Variants in FGF13 observed in about 807,000 individuals in gnomAD.
The protein encoded by FGF13 is fibroblast growth factor 13.
Under a neutral mutation model 19.5 loss-of-function variants are expected in FGF13, and 2 were observed. The ratio of observed to expected loss-of-function variants is 0.10; its 90% CI spans 0.04 to 0.32. FGF13 has a LOEUF of 0.32. Ranked by LOEUF, FGF13 falls within the 10% of genes least tolerant of loss-of-function variation. The pLI is 1.00. For synonymous variants in FGF13, 72 were observed against 76.9 expected, an observed-to-expected ratio of 0.94 and a Z score of 0.33; for missense variants, 113 against 192.7, an observed-to-expected ratio of 0.59 and a Z score of 2.45.
At chrX:139,190,243 T>C (rs1366007293) in intron 1 of FGF13, among the ~76,000 whole-genome samples, 1 of 112,073 alleles carries the variant, frequency 8.9e-6, no homozygotes, top group Non-Finnish European at 1.9e-5. Context: ...ATAAGAATGT[T>C]AGCATCTTTC....
At chrX:138,688,265 A>C (rs1156680552) in intron 3 of FGF13, among the ~76,000 whole-genome samples, 3 of 110,301 alleles carry the variant, frequency 2.7e-5, no homozygotes, top group Non-Finnish European at 5.7e-5. Flanking sequence ...GCCCGGCCCC[A>C]AAAATTGGAT....
chrX:139,080,577 C>A (rs12555942), intron 1 of FGF13, among the ~76,000 whole-genome samples: 26,639 of 110,580 alleles, frequency 0.24, 3,160 homozygotes, highest in African/African-American at 0.46. Context: ...CCTTTGATGA[C>A]TTCATGCCTG....
intron 1 of FGF13, among the ~76,000 whole-genome samples, chrX:138,896,054 T>G (rs201839888): frequency 1.8e-5 from 2 of 112,056 alleles, no homozygotes; most frequent in East Asian, 2.8e-4. Flanking sequence ...GTACAGCATT[T>G]CAATTAGGAG....
intron 3 of FGF13, 133 bp from the exon 4 acceptor site, chrX:138,635,788 A>G: frequency 1.7e-5 from 8 of 464,241 alleles, no homozygotes; most frequent in South Asian, 3.4e-5. Context: ...CTATTTTAAT[A>G]GCATAAACTA....
At chrX:138,863,502 T>C (rs1176471572) in intron 2 of FGF13, among the ~76,000 whole-genome samples, 2 of 112,140 alleles carry the variant, frequency 1.8e-5, no homozygotes, top group African/African-American at 6.5e-5. Flanking sequence ...CATATATCTT[T>C]TCTCCACTAC....
chrX:138,918,906 G>A (rs2091631133), intron 1 of FGF13, among the ~76,000 whole-genome samples: 1 of 111,765 alleles, frequency 8.9e-6, no homozygotes, highest in Non-Finnish European at 1.9e-5. Context: ...TGCCATCAGA[G>A]TATCTGTCTG....
intron 1 of FGF13, among the ~76,000 whole-genome samples, chrX:138,734,646 T>A (rs1355733349): frequency 8.9e-6 from 1 of 111,756 alleles, no homozygotes; most frequent in Non-Finnish European, 1.9e-5. Flanking sequence ...TTTAAGTCCC[T>A]GGTTAATTTA....
intron 1 of FGF13, among the ~76,000 whole-genome samples, chrX:138,871,726 CA>C (rs1394383141): frequency 9.0e-6 from 1 of 110,900 alleles, no homozygotes; most frequent in East Asian, 2.8e-4. Context: ...GTAGAAGTAT[CA>C]AAAATGTAAA....
At chrX:138,841,780 C>T (rs1332290418) in intron 3 of FGF13, among the ~76,000 whole-genome samples, 1 of 111,709 alleles carries the variant, frequency 9.0e-6, no homozygotes, top group African/African-American at 3.2e-5. Flanking sequence ...TTAGTTACTG[C>T]ATGTCCCCCA....
Position 138,711,336 on chromosome X carries a change from G to A in FGF13, c.-333C>T, listed in dbSNP as rs1012418783. The A allele has an allele frequency of 1.2e-5, 10 of 816,441 alleles. No individual in the cohort carries two copies. The African/African-American group carries it at 2.0e-4, about 16-fold the overall frequency. 67.3% of individuals were successfully genotyped at this position (816,441 alleles called of 1,213,427 possible). ...CGTGTGGTCGGCCCCTGCGCCCGGC[G>A]GACACCGTGCATGTCCAGCTGCTCC... On this transcript the variant is annotated 5_prime_UTR_variant, in exon 1 of 5. Coordinates refer to ENST00000315930, the MANE Select transcript of FGF13 (RefSeq NM_004114.5).
chrX:138,825,566 A>G (rs2091028140), intron 3 of FGF13, among the ~76,000 whole-genome samples: 2 of 111,414 alleles, frequency 1.8e-5, no homozygotes, highest in East Asian at 5.7e-4. Context: ...GCTATAGTTA[A>G]GAACTTGACC....
chrX:138,626,317 G>A lies in FGF13; in HGVS notation c.*6533C>T, dbSNP rs1274882859. On this transcript the variant is annotated 3_prime_UTR_variant, in exon 5 of 5. Coordinates refer to ENST00000315930, the MANE Select transcript of FGF13 (RefSeq NM_004114.5). ...AGAGATACCCAGTGCTATTTCATGT[G>A]CCTTTCATGTGAAGCTCTATGCCTT... 1 of 111,931 alleles carries A rather than the reference G, an allele frequency of 8.9e-6. No individual in the cohort carries two copies. Among genetic ancestry groups the A allele is most frequent in the Non-Finnish European group, 1.9e-5 (1 of 53,162 alleles). The allele number at this position is 111,931 out of a possible 1,213,427, so 9.2% of individuals were successfully genotyped here. A position where few individuals can be genotyped will look rare whatever the true frequency, so the allele number is the denominator to read the frequency against.
At chrX:139,183,418 A>G (rs1426970669) in intron 1 of FGF13, among the ~76,000 whole-genome samples, 1 of 111,629 alleles carries the variant, frequency 9.0e-6, no homozygotes, top group Non-Finnish European at 1.9e-5. Context: ...CGCGACCTCC[A>G]GTGTTAGAGG....
chrX:138,775,931 T>C (rs776374737), intron 3 of FGF13, among the ~76,000 whole-genome samples: 227 of 112,369 alleles, frequency 2.0e-3, no homozygotes, highest in African/African-American at 6.6e-3. Context: ...GTGAGGGAGT[T>C]GAAACCTTTT....
intron 3 of FGF13, among the ~76,000 whole-genome samples, chrX:138,636,767 C>T (rs2089189574): frequency 1.8e-5 from 2 of 111,685 alleles, no homozygotes; most frequent in Non-Finnish European, 3.8e-5. Context: ...AACATGTATA[C>T]AAACAAATAT....
rs184902970 is a variant in FGF13 at position 138,846,627 on chromosome X, T to A, written c.217+10885A>T. Among the ~76,000 whole-genome samples, 644 of 111,877 alleles carry A rather than the reference T, an allele frequency of 5.8e-3. 3 individuals are homozygous for A. Among genetic ancestry groups the A allele is most frequent in the Non-Finnish European group, 9.2e-3 (487 of 53,087 alleles). ...AGCTAAGCAGATGCCAGCATCATGC[T>A]TCTTGTACAGCCTGCAGAACTGTGA... On this transcript the variant is annotated intron_variant, in intron 3 of 6. Transcript: ENST00000436198.
chrX:138,672,222 AGAG>A (rs941487782), intron 3 of FGF13, among the ~76,000 whole-genome samples: 2 of 111,444 alleles, frequency 1.8e-5, no homozygotes, highest in African/African-American at 6.5e-5. Flanking sequence ...AAATCTGAAC[AGAG>A]GAGTTGTCAC....
At chrX:138,952,493 A>T (rs1258233265) in intron 1 of FGF13, among the ~76,000 whole-genome samples, 21 of 111,908 alleles carry the variant, frequency 1.9e-4, no homozygotes, top group Admixed American at 1.4e-3. Context: ...AACCTAGGCA[A>T]TACCATTCAG....
intron 1 of FGF13, among the ~76,000 whole-genome samples, chrX:139,018,722 G>T (rs898662155): frequency 9.0e-6 from 1 of 110,849 alleles, no homozygotes; most frequent in Non-Finnish European, 1.9e-5. Flanking sequence ...GTTCATCTGG[G>T]CCTTTGAGGC....
Sources: allele counts gnomAD v4.1 joint callset (sites outside exome capture counted in the v4.1 genomes callset), GRCh38; gene constraint gnomAD v4.1.1; transcripts MANE v1.5; gene names NCBI Gene and HGNC (gene_info 2026-07-23, HGNC 2026-07-21).